The following SLC12A7 variants were observed in gnomAD, a reference collection of about 807,000 sequenced individuals.
SLC12A7 encodes solute carrier family 12 member 7.
SLC12A7 carries 100 observed loss-of-function variants against 120.6 expected under a neutral mutation model. That is an observed-to-expected ratio of 0.83 (90% confidence interval 0.71 to 0.98). The LOEUF (loss-of-function observed/expected upper bound fraction) is 0.98, where lower values mean the gene tolerates loss of function less well. Among genes scored for constraint, SLC12A7 ranks in the 50% least tolerant of loss-of-function variants. The probability of loss-of-function intolerance (pLI) is 0.00; values close to 1 mark genes in which losing one functional copy is unlikely to be tolerated. For missense variants in SLC12A7, 1,373 were observed against 1,548.1 expected, an observed-to-expected ratio of 0.89 and a Z score of 1.90; for synonymous variants, 760 against 678.0, an observed-to-expected ratio of 1.12 and a Z score of -1.88.
At chr5:1,131,272 C>T in the SLC12A7 span, among the ~76,000 whole-genome samples, 4 of 152,174 alleles carry the variant, frequency 2.6e-5, no homozygotes, top group East Asian at 5.8e-4. Context: ...CGTCCTGCTC[C>T]TTGCCAAGAG....
intron 13 of SLC12A7, 38 bp from the exon 14 acceptor site, chr5:1,076,274 GC>G: frequency 9.2e-6 from 14 of 1,519,204 alleles, no homozygotes; most frequent in South Asian, 2.4e-5. Context: ...GGCCCACTGG[GC>G]CCCCCTGAGC....
chr5:1,052,511 G>T, intron 23 of SLC12A7, 60 bp from the exon 24 acceptor site: 1 of 1,372,866 alleles, frequency 7.3e-7, no homozygotes, highest in Non-Finnish European at 1.0e-6. Context: ...AGCTGAAATC[G>T]TGATAGGAGT....
the SLC12A7 span, among the ~76,000 whole-genome samples, chr5:1,151,059 T>C: frequency 1.3e-5 from 2 of 152,140 alleles, no homozygotes; most frequent in Non-Finnish European, 2.9e-5. This position sits in a 1 kb window ranked among gnomAD's most constrained non-coding sequence, Gnocchi z 6.2. Flanking sequence ...TGGACGGAGA[T>C]GGCGGGGCCA....
intron 3 of SLC12A7, among the ~76,000 whole-genome samples, chr5:1,092,249 T>A (rs1280201615): frequency 6.6e-6 from 1 of 152,260 alleles, no homozygotes; most frequent in African/African-American, 2.4e-5. Flanking sequence ...GACTGCTGTG[T>A]GGGACCCAGG....
chr5:1,094,642 TC>T (rs747259241), intron 1 of SLC12A7, among the ~76,000 whole-genome samples: 5 of 152,208 alleles, frequency 3.3e-5, no homozygotes, highest in Non-Finnish European at 5.9e-5. Flanking sequence ...CAAGGGTACC[TC>T]CCTCTGGCGT....
intron 7 of SLC12A7, among the ~76,000 whole-genome samples, 155 bp downstream of exon 7, chr5:1,085,077 C>T (rs970138786): frequency 6.6e-6 from 1 of 152,234 alleles, no homozygotes. Context: ...CTGTAATCCC[C>T]AGAACGAGCC....
intron 16 of SLC12A7, 80 bp downstream of exon 16, chr5:1,074,487 C>CA (rs1738095884): frequency 6.0e-6 from 8 of 1,330,828 alleles, no homozygotes; most frequent in Admixed American, 3.8e-5. Context: ...CCCTGAGACT[C>CA]AAAGGTCCCC....
At chr5:1,054,251 G>C (rs1035539093) in intron 22 of SLC12A7, among the ~76,000 whole-genome samples, 1 of 152,208 alleles carries the variant, frequency 6.6e-6, no homozygotes, top group African/African-American at 2.4e-5. Context: ...TCTGCTCCAC[G>C]ACCCTCCCTG....
chr5:1,107,041 G>A (rs569185969), intron 1 of SLC12A7, among the ~76,000 whole-genome samples: 18 of 152,270 alleles, frequency 1.2e-4, no homozygotes, highest in East Asian at 5.8e-4. Flanking sequence ...AGCGTGAGCC[G>A]TGAGGGGTTC....
Position 1,075,365 on chromosome 5 carries a change from G to A in SLC12A7, c.1967+6C>T, listed in dbSNP as rs770237264. On this transcript the variant is annotated splice_donor_region_variant and intron_variant, in intron 15 of 23. Coordinates refer to ENST00000264930, the MANE Select transcript of SLC12A7 (RefSeq NM_006598.3). ...CGGGTCTGTAAGGGGGGCTGACAGCGCTTACCCGCGGTACTCGATGTACTT... is the reference window on the plus strand; with the variant it reads ...CGGGTCTGTAAGGGGGGCTGACAGCACTTACCCGCGGTACTCGATGTACTT... 49 of 1,608,686 alleles carry A rather than the reference G, an allele frequency of 3.0e-5. No homozygotes were observed. Among genetic ancestry groups the A allele is most frequent in the East Asian group, 6.7e-5 (3 of 44,716 alleles).
intron 1 of SLC12A7, among the ~76,000 whole-genome samples, chr5:1,094,697 T>C (rs1046076172): frequency 5.9e-5 from 9 of 152,216 alleles, no homozygotes; most frequent in African/African-American, 2.2e-4. Flanking sequence ...ATTCTCACTC[T>C]TAAAAGTCGG....
intron 1 of SLC12A7, among the ~76,000 whole-genome samples, chr5:1,097,035 A>G (rs1741335736): frequency 6.6e-6 from 1 of 152,158 alleles, no homozygotes; most frequent in Non-Finnish European, 1.5e-5. Flanking sequence ...TCTTCCCCGC[A>G]GGAAGGGTGC....
intron 9 of SLC12A7, among the ~76,000 whole-genome samples, chr5:1,081,119 G>A (rs1375349871): frequency 6.6e-6 from 1 of 151,700 alleles, no homozygotes; most frequent in Admixed American, 6.6e-5. Flanking sequence ...GAGAGAAAGA[G>A]TGCCGGAGGA....
At chr5:1,068,178 T>C (rs755196839) in intron 17 of SLC12A7, among the ~76,000 whole-genome samples, 73 of 152,238 alleles carry the variant, frequency 4.8e-4, no homozygotes, top group Admixed American at 9.8e-4. Flanking sequence ...CTCACACCTG[T>C]AATCCCAGCA....
Position 1,089,144 on chromosome 5 carries a change from G to T in SLC12A7, c.343-16C>A. On this transcript the variant is annotated splice_polypyrimidine_tract_variant and intron_variant, in intron 3 of 23. Transcript: ENST00000264930. ...TGCGCGGAGCCTGCGACAGAGCATA[G>T]CGTGTCCCAGGGGCTCGTACCCCAC... The T allele has an allele frequency of 6.2e-7, 1 of 1,611,316 alleles. No homozygotes were observed. Among genetic ancestry groups the T allele is most frequent in the Non-Finnish European group, 8.5e-7 (1 of 1,179,616 alleles).
the SLC12A7 span, among the ~76,000 whole-genome samples, chr5:1,148,114 T>C: frequency 6.6e-6 from 1 of 152,160 alleles, no homozygotes; most frequent in Non-Finnish European, 1.5e-5. Flanking sequence ...AGCTGTTTTC[T>C]GGGCCATGGT....
At chr5:1,139,711 C>A in the SLC12A7 span, among the ~76,000 whole-genome samples, 2 of 152,234 alleles carry the variant, frequency 1.3e-5, no homozygotes, top group Non-Finnish European at 2.9e-5. Context: ...GTGGCCACGG[C>A]CCACTTTTGT....
intron 20 of SLC12A7, among the ~76,000 whole-genome samples, chr5:1,061,670 T>C (rs932622462): frequency 1.3e-5 from 2 of 152,098 alleles, no homozygotes; most frequent in Non-Finnish European, 2.9e-5. Context: ...GCACACCAGA[T>C]CAGGTGCGGT....
chr5:1,096,145 C>A (rs1158200764), intron 1 of SLC12A7, among the ~76,000 whole-genome samples: 1 of 152,210 alleles, frequency 6.6e-6, no homozygotes, highest in African/African-American at 2.4e-5. Context: ...GACTGCACTG[C>A]AGAGATTCTG....
Sources: gnomAD v4.1 joint callset for allele counts (sites outside exome capture counted in the v4.1 genomes callset) on GRCh38, gnomAD v4.1.1 for gene constraint, Gnocchi (gnomAD v3.1) non-coding constraint, MANE v1.5 for transcripts, NCBI Gene and HGNC (gene_info 2026-07-23, HGNC 2026-07-21) for gene names.